VIPR2: variants seen among roughly 807,000 people sequenced by gnomAD.
VIPR2 encodes the protein vasoactive intestinal peptide receptor 2.
A neutral mutation model predicts 58.0 loss-of-function variants in VIPR2; 48 were observed. That is an observed-to-expected ratio of 0.83 (90% CI 0.66 to 1.05). The LOEUF is 1.05. VIPR2 is among the 50% of genes least tolerant of loss of function. The pLI, the probability that VIPR2 is intolerant of heterozygous loss-of-function variation, is 0.00. For synonymous variants in VIPR2, 243 were observed against 235.2 expected, an observed-to-expected ratio of 1.03 and a Z score of -0.30; for missense variants, 534 against 558.0, an observed-to-expected ratio of 0.96 and a Z score of 0.43.
chr7:159,139,854 C>T (rs985512389), intron 2 of VIPR2, among the ~76,000 whole-genome samples: 3 of 152,276 alleles, frequency 2.0e-5, no homozygotes, highest in Admixed American at 1.3e-4. Flanking sequence ...CCTCAGGGAC[C>T]TGTGCCTTCC....
chr7:159,086,053 A>G (rs992904784), intron 4 of VIPR2, among the ~76,000 whole-genome samples: 1 of 152,264 alleles, frequency 6.6e-6, no homozygotes, highest in Non-Finnish European at 1.5e-5. Context: ...AGTTGTAACA[A>G]GTGCACCACA....
chr7:159,094,099 G>T (rs2129495462), intron 4 of VIPR2, among the ~76,000 whole-genome samples: 1 of 152,294 alleles, frequency 6.6e-6, no homozygotes, highest in African/African-American at 2.4e-5. Flanking sequence ...CAGAGGAGGG[G>T]ATGGTCTCTC....
chr7:159,080,678 T>A (rs1168238001), intron 4 of VIPR2, among the ~76,000 whole-genome samples: 1 of 152,166 alleles, frequency 6.6e-6, no homozygotes, highest in Admixed American at 6.5e-5. Context: ...AGTCAAATTG[T>A]CCCTGTTTGC....
intron 3 of VIPR2, among the ~76,000 whole-genome samples, chr7:159,108,267 ATCTC>A (rs904232638): frequency 2.0e-5 from 3 of 152,216 alleles, no homozygotes; most frequent in African/African-American, 7.2e-5. Context: ...TCGCATCCAC[ATCTC>A]TCTAAGTATT....
chr7:159,140,073 TTTTG>T (rs1358439267), intron 2 of VIPR2, among the ~76,000 whole-genome samples: 3 of 116,980 alleles, frequency 2.6e-5, no homozygotes, highest in African/African-American at 8.7e-5. Flanking sequence ...TTACGTGTTT[TTTTG>T]TTTTTGTTTT....
At chr7:159,051,818 A>C (rs1030396984) in intron 5 of VIPR2, among the ~76,000 whole-genome samples, 2 of 152,204 alleles carry the variant, frequency 1.3e-5, no homozygotes, top group Non-Finnish European at 2.9e-5. Context: ...CTAATGACAT[A>C]GCCTTAAAAT....
chr7:159,111,415 C>T (rs1445037743), intron 2 of VIPR2, among the ~76,000 whole-genome samples: 3 of 152,168 alleles, frequency 2.0e-5, no homozygotes, highest in African/African-American at 7.2e-5. Context: ...TGTGGTGGCT[C>T]ACACCTGTAA....
chr7:159,092,285 G>A (rs2129495375), intron 4 of VIPR2, among the ~76,000 whole-genome samples: 1 of 152,282 alleles, frequency 6.6e-6, no homozygotes, highest in Non-Finnish European at 1.5e-5. Flanking sequence ...ATGAAGCCGA[G>A]AGCACCAGGT....
intron 3 of VIPR2, among the ~76,000 whole-genome samples, chr7:159,106,499 GGC>G (rs2129496085): frequency 7.1e-6 from 1 of 140,550 alleles, no homozygotes; most frequent in Admixed American, 7.0e-5. Flanking sequence ...GCCGGGGAGG[GGC>G]AGAGAGAGGC....
chr7:159,129,022 G>A (rs894076108), intron 2 of VIPR2, among the ~76,000 whole-genome samples: 3 of 152,240 alleles, frequency 2.0e-5, no homozygotes, highest in East Asian at 3.8e-4. Flanking sequence ...GCCAGGAGAC[G>A]TGGTCTTGGG....
At position 159,100,810 on chromosome 7, in the gene VIPR2, T is replaced by C. The variant is rs560239479; in HGVS notation, c.357+2947A>G. 2.6e-5 allele frequency among the ~76,000 whole-genome samples: 4 copies of C among 151,572 alleles called. No homozygotes were observed. The South Asian group carries it at 8.4e-4, about 32-fold the overall frequency. ...GCGGTTCCCCCAACTGTTCCTGTGA[T>C]AGTGAACGGGTCTCACGAGATCTGA... On this transcript the variant is annotated intron_variant, in intron 4 of 12. Coordinates refer to ENST00000262178, the MANE Select transcript of VIPR2 (RefSeq NM_003382.5).
Position 159,098,651 on chromosome 7 carries a change from C to T in VIPR2, c.357+5106G>A, listed in dbSNP as rs552208016. On this transcript the variant is annotated intron_variant, in intron 4 of 12. Coordinates refer to ENST00000262178, the MANE Select transcript of VIPR2 (RefSeq NM_003382.5). This position sits in a 1 kb window ranked among gnomAD's most constrained non-coding sequence, Gnocchi z 5.2. ...AGGGCTGCCCTAGAGCCCTCTGGTC[C>T]GCAGAGCCCTTCTCCTCCCAGGGGC... is the stretch of plus-strand genomic sequence containing the variant. Among the ~76,000 whole-genome samples the T allele has an allele frequency of 7.9e-5, 12 of 152,286 alleles. No homozygotes were observed. Among genetic ancestry groups the T allele is most frequent in the African/African-American group, 2.6e-4 (11 of 41,552 alleles).
rs969913488 is a variant in VIPR2, at chr7:159,036,591, G to A, written c.748+161C>T. Among the ~76,000 whole-genome samples, 4 of 152,318 alleles carry A rather than the reference G, an allele frequency of 2.6e-5. No homozygotes were observed. In the South Asian group the frequency reaches 8.3e-4, roughly 32 times the overall value. On this transcript the variant is annotated intron_variant, in intron 7 of 12. Coordinates refer to ENST00000262178, the MANE Select transcript of VIPR2 (RefSeq NM_003382.5). ...TGGTTACCAGAAATATTAATGTGTTGTTTGTAGGAGCCTCCAGTCATCCTG... is the reference window on the plus strand; with the variant it reads ...TGGTTACCAGAAATATTAATGTGTTATTTGTAGGAGCCTCCAGTCATCCTG...
chr7:159,046,405 G>A (rs552165920), intron 5 of VIPR2, among the ~76,000 whole-genome samples: 19 of 152,332 alleles, frequency 1.2e-4, no homozygotes, highest in East Asian at 3.9e-4. Context: ...AAGTACTGAC[G>A]TGGATCGAAC....
chr7:159,043,420 A>G (rs1431663687), intron 5 of VIPR2, among the ~76,000 whole-genome samples: 1 of 152,254 alleles, frequency 6.6e-6, no homozygotes, highest in Non-Finnish European at 1.5e-5. Context: ...AAACGTTTTT[A>G]GCAAATACAT....
At chr7:159,079,600 A>G (rs1204557912) in intron 4 of VIPR2, among the ~76,000 whole-genome samples, 3 of 152,242 alleles carry the variant, frequency 2.0e-5, no homozygotes, top group Non-Finnish European at 4.4e-5. Flanking sequence ...AGCAGAAGGC[A>G]AGAAATAACT....
intron 4 of VIPR2, among the ~76,000 whole-genome samples, chr7:159,082,381 C>T (rs968078584): frequency 1.3e-5 from 2 of 152,052 alleles, no homozygotes; most frequent in Non-Finnish European, 2.9e-5. Flanking sequence ...AACCAAACAC[C>T]GCATGTTCTC....
intron 1 of VIPR2, among the ~76,000 whole-genome samples, chr7:159,142,943 C>G (rs1797534332): frequency 6.6e-6 from 1 of 152,108 alleles, no homozygotes; most frequent in African/African-American, 2.4e-5. Context: ...CGGCCTCCAC[C>G]CGGGAAAGAG....
chr7:159,144,005 G>C (rs1173846247), intron 1 of VIPR2, among the ~76,000 whole-genome samples: 2 of 152,220 alleles, frequency 1.3e-5, no homozygotes, highest in Non-Finnish European at 2.9e-5. Flanking sequence ...GAGGGGCCGC[G>C]GATCGATCCA....
Sources: allele counts gnomAD v4.1 joint callset (sites outside exome capture counted in the v4.1 genomes callset), GRCh38; gene constraint gnomAD v4.1.1; non-coding constraint Gnocchi (gnomAD v3.1); transcripts MANE v1.5; gene names NCBI Gene and HGNC (gene_info 2026-07-23, HGNC 2026-07-21).